Variants in LRRC34 observed in about 807,000 individuals in gnomAD.
The protein encoded by LRRC34 is leucine rich repeat containing 34, also known as leucine-rich repeat-containing protein 34.
In LRRC34, 44 loss-of-function variants were observed where a neutral mutation model predicts 48.5. That is an observed-to-expected ratio of 0.91 (90% CI 0.71 to 1.17). The LOEUF is 1.17. LRRC34 is among the 50% of genes most tolerant of loss of function. The pLI is 0.00. For synonymous variants in LRRC34, 192 were observed against 197.6 expected, an observed-to-expected ratio of 0.97 and a Z score of 0.24; for missense variants, 502 against 563.0, an observed-to-expected ratio of 0.89 and a Z score of 1.10.
chr3:169,801,974 G>T (rs1004595091), intron 6 of LRRC34, among the ~76,000 whole-genome samples: 2 of 151,986 alleles, frequency 1.3e-5, no homozygotes, highest in African/African-American at 4.8e-5. Context: ...GCTAAATTTT[G>T]TATTTTTTGT....
intron 1 of LRRC34, among the ~76,000 whole-genome samples, chr3:169,810,303 C>T (rs1180917386): frequency 2.0e-5 from 3 of 152,050 alleles, no homozygotes; most frequent in Admixed American, 6.6e-5. Flanking sequence ...AGAACAACCA[C>T]AATTGAGGTC....
intron 7 of LRRC34, among the ~76,000 whole-genome samples, chr3:169,797,533 T>C (rs1779037724): frequency 6.6e-6 from 1 of 152,164 alleles, no homozygotes; most frequent in Non-Finnish European, 1.5e-5. Context: ...AAGATTTGAA[T>C]ACCAGGCATT....
At position 169,812,477 on chromosome 3, in the gene LRRC34, C is replaced by G; in HGVS notation, c.72G>C (p.Pro24=). ...MGSSREAARA[P]ARSPAWASTQ... Reference sequence around the variant, plus strand: ...TGGAGGCCCAAGCCGGGGACCTGGCCGGCGCACGGGCGGCCTCCCGGGAGC... The same window carrying G: ...TGGAGGCCCAAGCCGGGGACCTGGCGGGCGCACGGGCGGCCTCCCGGGAGC... The change falls in exon 1 of 11, where the codon CCG becomes CCC. Residue 24 remains proline (P), a synonymous_variant. Coordinates refer to ENST00000446859, the MANE Select transcript of LRRC34 (RefSeq NM_001172779.2). This position sits in a 1 kb window ranked among gnomAD's most constrained non-coding sequence, Gnocchi z 4.3. The G allele has an allele frequency of 6.5e-7, 1 of 1,529,242 alleles. No homozygotes were observed. Among genetic ancestry groups the G allele is most frequent in the Non-Finnish European group, 8.7e-7 (1 of 1,144,250 alleles). 94.7% of individuals were successfully genotyped at this position (1,529,242 alleles called of 1,614,324 possible). A position where few individuals can be genotyped will look rare whatever the true frequency, so the allele number is the denominator to read the frequency against.
In LRRC34 at chr3:169,808,614, T is replaced by C. The variant is rs774674085; in HGVS notation, c.257+14A>G. ...CAAACACTATTAATGTAATCAAGTA[T>C]TTGTCTTTCTTACCCCTTTTTAATT... On this transcript the variant is annotated intron_variant, in intron 2 of 10. Transcript: ENST00000446859. 2 of 1,266,424 alleles carry C rather than the reference T, an allele frequency of 1.6e-6. No individual in the cohort carries two copies. The highest frequency in any genetic ancestry group is 4.0e-5 in the Admixed American group (2 of 49,882). The allele number at this position is 1,266,424 out of a possible 1,614,324, so 78.4% of individuals were successfully genotyped here. A position where few individuals can be genotyped will look rare whatever the true frequency, so the allele number is the denominator to read the frequency against.
intron 5 of LRRC34, among the ~76,000 whole-genome samples, chr3:169,804,583 C>T (rs1779310199): frequency 6.7e-6 from 1 of 149,028 alleles, no homozygotes; most frequent in African/African-American, 2.4e-5. Context: ...GCATGAGCCA[C>T]CGCGCCCAGC....
chr3:169,810,723 C>T (rs962097193), intron 1 of LRRC34, among the ~76,000 whole-genome samples: 1 of 152,208 alleles, frequency 6.6e-6, no homozygotes, highest in East Asian at 1.9e-4. Flanking sequence ...GCATTTAAAA[C>T]GTGCACACTC....
chr3:169,795,560 T>C lies in LRRC34; in HGVS notation c.1116A>G (p.Ser372=). 6.2e-7 allele frequency: 1 copy of C among 1,613,024 alleles called. No individual in the cohort carries two copies. The highest frequency in any genetic ancestry group is 8.5e-7 in the Non-Finnish European group (1 of 1,179,310). Residue 372 remains serine, a synonymous_variant, in exon 10 of 11, where the codon TCA becomes TCG. Transcript: ENST00000446859. ...NIEGEGLVAL[S]QSMKTNLTFS... ...AAGTGAGATTTGTTTTCATTGATTG[T>C]GAAAGTGCAACAAGTCCTTCTCCCT... is the stretch of plus-strand genomic sequence containing the variant.
rs1170329563 is a variant in LRRC34 at position 169,812,559 on chromosome 3, C to G, written c.-11G>C. 1.4e-6 allele frequency: 2 copies of G among 1,475,658 alleles called. No homozygotes were observed. The highest frequency in any genetic ancestry group is 2.3e-5 in the Admixed American group (1 of 42,980). 91.4% of individuals were successfully genotyped at this position (1,475,658 alleles called of 1,614,324 possible). ...CGGCTGCGCTGCCATGGCGACCGCGCGCGCACTTACAGTCCGCCTGCAGCT... is the reference window on the plus strand; with the variant it reads ...CGGCTGCGCTGCCATGGCGACCGCGGGCGCACTTACAGTCCGCCTGCAGCT... On this transcript the variant is annotated 5_prime_UTR_variant, in exon 1 of 11. Transcript: ENST00000446859. The surrounding 1 kb of genome is among the most constrained non-coding windows in gnomAD (Gnocchi z 4.3).
intron 9 of LRRC34, chr3:169,795,913 A>T (rs530474978): frequency 2.5e-5 from 29 of 1,159,074 alleles, no homozygotes; most frequent in Middle Eastern, 3.5e-4. Context: ...GTTCATTCTT[A>T]CTTTTAAAAG....
At chr3:169,796,968 G>A in intron 7 of LRRC34, 69 bp from the exon 8 acceptor site, 1 of 1,198,864 alleles carries the variant, frequency 8.3e-7, no homozygotes, top group Middle Eastern at 2.5e-4. Flanking sequence ...TCAGACATAT[G>A]CTGTTATTTA....
chr3:169,802,579 G>C (rs946005072), intron 6 of LRRC34, among the ~76,000 whole-genome samples: 1 of 152,196 alleles, frequency 6.6e-6, no homozygotes, highest in African/African-American at 2.4e-5. Context: ...GTGATTCACT[G>C]TTGTATCATT....
intron 6 of LRRC34, among the ~76,000 whole-genome samples, chr3:169,802,735 G>T (rs1373410792): frequency 6.6e-6 from 1 of 152,110 alleles, no homozygotes; most frequent in African/African-American, 2.4e-5. Flanking sequence ...CACTTTGGGA[G>T]GCCGAGGCAG....
chr3:169,797,525 G>T (rs1454449972), intron 7 of LRRC34, among the ~76,000 whole-genome samples: 1 of 152,012 alleles, frequency 6.6e-6, no homozygotes, highest in East Asian at 1.9e-4. Flanking sequence ...CATCAATGAA[G>T]ATTTGAATAC....
intron 4 of LRRC34, 113 bp downstream of exon 4, chr3:169,807,313 G>A: frequency 9.8e-7 from 1 of 1,019,124 alleles, no homozygotes; most frequent in Non-Finnish European, 1.5e-6. Context: ...GAGTGTTCTA[G>A]CACAGAGTCA....
In LRRC34 at chr3:169,793,384, A is replaced by G. The variant is rs1159958073; in HGVS notation, c.*251T>C. On this transcript the variant is annotated 3_prime_UTR_variant, in exon 11 of 11. Coordinates refer to ENST00000446859, the MANE Select transcript of LRRC34 (RefSeq NM_001172779.2). ...GGTTATATTTTCATTATAAAAAGAAATTTAGTCTAGTTCCTTGGTCTCTTT... is the reference window on the plus strand; with the variant it reads ...GGTTATATTTTCATTATAAAAAGAAGTTTAGTCTAGTTCCTTGGTCTCTTT... 3.1e-6 allele frequency: 1 copy of G among 323,136 alleles called. No individual in the cohort carries two copies. Among genetic ancestry groups the G allele is most frequent in the Non-Finnish European group, 5.6e-6 (1 of 179,418 alleles). 20.0% of individuals were successfully genotyped at this position (323,136 alleles called of 1,614,324 possible).
At chr3:169,809,821 C>T (rs1779499923) in intron 1 of LRRC34, among the ~76,000 whole-genome samples, 1 of 152,096 alleles carries the variant, frequency 6.6e-6, no homozygotes, top group African/African-American at 2.4e-5. Context: ...AATGAGTTTG[C>T]TAAACGGATC....
At position 169,795,533 on chromosome 3, in the gene LRRC34, G is replaced by A. The variant is rs1481079157; in HGVS notation, c.1143C>T (p.Phe381=). The change falls in exon 10 of 11, where the codon TTC becomes TTT. Residue 381 remains phenylalanine, a synonymous_variant. Coordinates refer to ENST00000446859, the MANE Select transcript of LRRC34 (RefSeq NM_001172779.2). ...LSQSMKTNLT[F]SHIYIWGNKF... ...TGTTTCCCCAAATGTAGATATGAGAGAAAGTGAGATTTGTTTTCATTGATT... is the reference window on the plus strand; with the variant it reads ...TGTTTCCCCAAATGTAGATATGAGAAAAAGTGAGATTTGTTTTCATTGATT... 8 of 1,612,576 alleles carry A rather than the reference G, an allele frequency of 5.0e-6. No individual in the cohort carries two copies. The highest frequency in any genetic ancestry group is 6.8e-6 in the Non-Finnish European group (8 of 1,179,070).
intron 1 of LRRC34, among the ~76,000 whole-genome samples, chr3:169,809,010 G>A (rs192907233): frequency 1.6e-4 from 24 of 152,262 alleles, no homozygotes; most frequent in Admixed American, 8.5e-4. Flanking sequence ...AGCACCCTAC[G>A]TTGGAAGTGA....
intron 10 of LRRC34, 145 bp downstream of exon 10, chr3:169,795,340 G>C (rs1778948655): frequency 5.4e-6 from 4 of 747,610 alleles, no homozygotes; most frequent in Non-Finnish European, 7.9e-6. Flanking sequence ...AAACTCTCTA[G>C]TAGTTAATTT....
Sources: gnomAD v4.1 joint callset for allele counts (sites outside exome capture counted in the v4.1 genomes callset) on GRCh38, gnomAD v4.1.1 for gene constraint, Gnocchi (gnomAD v3.1) non-coding constraint, MANE v1.5 for transcripts, NCBI Gene and HGNC (gene_info 2026-07-23, HGNC 2026-07-21) for gene names.